Variants in MPHOSPH9 observed in about 807,000 individuals in gnomAD.
The protein encoded by MPHOSPH9 is M-phase phosphoprotein 9.
A neutral mutation model predicts 145.5 loss-of-function variants in MPHOSPH9; 88 were observed. That is an observed-to-expected ratio of 0.60 (90% confidence interval 0.51 to 0.72). The LOEUF is 0.72. Among genes scored for constraint, MPHOSPH9 ranks in the 30% least tolerant of loss-of-function variants. MPHOSPH9 has a pLI of 0.00. For synonymous variants in MPHOSPH9, 435 were observed against 486.2 expected (o/e 0.89, Z 1.39); for missense variants, 1,238 against 1,386.6 (o/e 0.89, Z 1.70).
At chr12:123,164,965 C>T (rs531050941) in intron 18 of MPHOSPH9, among the ~76,000 whole-genome samples, 4 of 142,992 alleles carry the variant, frequency 2.8e-5, no homozygotes, top group South Asian at 2.2e-4. Context: ...GCTGAGATTA[C>T]GCACTGCACT....
chr12:123,180,522 TG>T (rs1364340965), intron 14 of MPHOSPH9, among the ~76,000 whole-genome samples: 2 of 152,124 alleles, frequency 1.3e-5, no homozygotes, highest in African/African-American at 2.4e-5. Flanking sequence ...CAAACATAAT[TG>T]ATAAACTCAA....
chr12:123,227,405 A>G, intron 3 of MPHOSPH9, 58 bp downstream of exon 3: 1 of 1,236,188 alleles, frequency 8.1e-7, no homozygotes, highest in Non-Finnish European at 1.1e-6. Context: ...AGAGTTTAGT[A>G]GAGGTATGTT....
At chr12:123,238,043 ACAC>A (rs2047878525), upstream of MPHOSPH9, among the ~76,000 whole-genome samples, 2 of 152,048 alleles carry the variant, frequency 1.3e-5, no homozygotes, top group South Asian at 2.1e-4. Flanking sequence ...CTACAGGTGC[ACAC>A]CACCACATCT....
In MPHOSPH9 at chr12:123,194,492, C is replaced by T. The variant is rs149124520; in HGVS notation, c.2135G>A (p.Arg712Gln). 296 of 1,611,560 alleles carry T rather than the reference C, an allele frequency of 1.8e-4. 1 individual carries two copies. The highest frequency in any genetic ancestry group is 1.1e-3 in the Admixed American group (68 of 59,730). The change falls in exon 13 of 24, where the codon CGA (arginine) becomes CAA (glutamine). Residue 712 changes from arginine to glutamine, a missense_variant. Arg to Gln is a conservative substitution (Grantham distance 43, BLOSUM62 1). Around this residue, in one of 3 missense-constraint regions of MPHOSPH9, gnomAD observed 837 missense variants for 897.5 expected, o/e 0.93. Transcript: ENST00000606320. ...TAAATCTTGCAGTCTAGATTTTAGT[C>T]GAATGATGGTATTGTCTTTTTCTTT... Reference protein sequence around the residue: ...SSKEKDNTIIRLKSRLQDLEE... With the variant: ...SSKEKDNTIIQLKSRLQDLEE...
chr12:123,222,908 C>T (rs1190607089), intron 4 of MPHOSPH9, 130 bp downstream of exon 4: 2 of 552,706 alleles, frequency 3.6e-6, no homozygotes, highest in Admixed American at 3.8e-5. Flanking sequence ...TGCACTCCAA[C>T]CTGGGCAACA....
At chr12:123,230,577 A>C in intron 1 of MPHOSPH9, 55 bp from the exon 2 acceptor site, 1 of 399,168 alleles carries the variant, frequency 2.5e-6, no homozygotes, top group Admixed American at 4.4e-5. Flanking sequence ...AAAGCTAGCA[A>C]CTGTTTTTAC....
upstream of MPHOSPH9, chr12:123,233,468 C>G (rs1384621188): frequency 1.3e-5 from 2 of 152,296 alleles, no homozygotes; most frequent in Non-Finnish European, 2.9e-5. Context: ...GATTGCGAAT[C>G]CTCCGCTGAG....
chr12:123,209,409 G>GT lies in MPHOSPH9; in HGVS notation c.1194+646dup, dbSNP rs200046426. On this transcript the variant is annotated intron_variant, in intron 8 of 23. Transcript: ENST00000606320. Reference sequence around the variant, plus strand: ...CAATTGTAAAACACAAACACACACAGTTTTTTTTTTCTTTGAGATGGAGTT... The same window carrying GT: ...CAATTGTAAAACACAAACACACACAGTTTTTTTTTTTCTTTGAGATGGAGTT... Among the ~76,000 whole-genome samples the GT allele has an allele frequency of 9.4e-3, 1,416 of 149,876 alleles. 21 individuals are homozygous for GT. Among genetic ancestry groups the GT allele is most frequent in the African/African-American group, 0.032 (1,324 of 40,992 alleles).
At chr12:123,199,849 G>A (rs1424158072) in intron 11 of MPHOSPH9, among the ~76,000 whole-genome samples, 1 of 151,370 alleles carries the variant, frequency 6.6e-6, no homozygotes, top group Non-Finnish European at 1.5e-5. Flanking sequence ...TTACAGTTGA[G>A]AAAACAAAGA....
At chr12:123,213,480 C>T (rs1006160099) in intron 7 of MPHOSPH9, among the ~76,000 whole-genome samples, 5 of 152,074 alleles carry the variant, frequency 3.3e-5, no homozygotes, top group African/African-American at 1.2e-4. Context: ...GCTAGCACTA[C>T]AGGCGCATCA....
intron 7 of MPHOSPH9, among the ~76,000 whole-genome samples, chr12:123,212,808 G>A (rs1424085554): frequency 3.3e-5 from 4 of 119,618 alleles, no homozygotes; most frequent in Non-Finnish European, 5.0e-5. Context: ...GTGCAAAAGC[G>A]ATATGCAGTC....
chr12:123,154,852 G>A lies in MPHOSPH9; in HGVS notation c.*1955C>T, dbSNP rs929669293. ...TTTTTTCTAAAGGCTAGAAAACCAAGAATAAAGAATACCAAGAATAGGCCG... is the reference window on the plus strand; with the variant it reads ...TTTTTTCTAAAGGCTAGAAAACCAAAAATAAAGAATACCAAGAATAGGCCG... On this transcript the variant is annotated 3_prime_UTR_variant, in exon 24 of 24. Coordinates refer to ENST00000606320, the MANE Select transcript of MPHOSPH9 (RefSeq NM_022782.4). The A allele has an allele frequency of 7.3e-5, 11 of 151,576 alleles. No individual in the cohort carries two copies. Among genetic ancestry groups the A allele is most frequent in the African/African-American group, 2.7e-4 (11 of 41,258 alleles). The allele number at this position is 151,576 out of a possible 1,614,324, so 9.4% of individuals were successfully genotyped here.
intron 5 of MPHOSPH9, among the ~76,000 whole-genome samples, chr12:123,220,028 T>C (rs2047131816): frequency 6.6e-6 from 1 of 152,008 alleles, no homozygotes; most frequent in South Asian, 2.1e-4. Flanking sequence ...ACCCCGTCTC[T>C]ACTAAAAATA....
At chr12:123,192,777 T>C (rs745879518) in intron 13 of MPHOSPH9, among the ~76,000 whole-genome samples, 3 of 151,624 alleles carry the variant, frequency 2.0e-5, no homozygotes, top group Non-Finnish European at 4.4e-5. Flanking sequence ...CCATTGATTA[T>C]ATATCACACC....
intron 2 of MPHOSPH9, among the ~76,000 whole-genome samples, chr12:123,229,871 G>C (rs1375692006): frequency 3.5e-5 from 5 of 144,238 alleles, no homozygotes; most frequent in Admixed American, 7.5e-5. Context: ...GCCCAGGCTG[G>C]AGTGCAGTGG....
intron 8 of MPHOSPH9, among the ~76,000 whole-genome samples, chr12:123,208,418 A>T (rs1270594): frequency 0.8 from 119,928 of 150,488 alleles, 47,921 homozygotes; most frequent in East Asian, 1. Context: ...GTGCCTGTAG[A>T]CCCAGCTACT....
rs113730715 is a variant in MPHOSPH9 at position 123,203,125 on chromosome 12, G to A, written c.1321-41C>T. On this transcript the variant is annotated intron_variant, in intron 9 of 23. Transcript: ENST00000606320. ...CAACGAAGTCTTACCCTCAGAACTC[G>A]GCTTTGTTTTGCTTGTTTTGAAGTG... is the stretch of plus-strand genomic sequence containing the variant. The A allele has an allele frequency of 5.5e-3, 8,772 of 1,589,908 alleles. 142 individuals are homozygous for A. Among genetic ancestry groups the A allele is most frequent in the South Asian group, 0.042 (3,602 of 86,384 alleles).
At chr12:123,192,628 CAAAAAAAAAAAAAA>C (rs55831766) in intron 13 of MPHOSPH9, among the ~76,000 whole-genome samples, 1 of 49,382 alleles carries the variant, frequency 2.0e-5, no homozygotes, top group Non-Finnish European at 3.5e-5. Context: ...GACACCGTCT[CAAAAAAAAAAAAAA>C]AAAAAAAAAA....
At position 123,194,586 on chromosome 12, in the gene MPHOSPH9, G is replaced by A. The variant is rs766602983; in HGVS notation, c.2041C>T (p.Arg681Cys). The stretch of plus-strand genomic sequence containing the variant: ...GAAGCACTGCTGGCTGCACTGAAGC[G>A]TTCTCTCAAATCATTCTATAAAACA... The part of the protein sequence containing the change: ...LEIEVNDLRE[R>C]FSAASSASKI... The change falls in exon 13 of 24, where the codon CGC (arginine) becomes TGC (cysteine). Residue 681 changes from arginine to cysteine, a missense_variant. Arg to Cys is a radical substitution (Grantham distance 180). Transcript: ENST00000606320. 45 of 1,588,532 alleles carry A rather than the reference G, an allele frequency of 2.8e-5. No individual in the cohort carries two copies. Among genetic ancestry groups the A allele is most frequent in the Middle Eastern group, 3.9e-4 (2 of 5,108 alleles).
Sources: gnomAD v4.1 joint callset for allele counts (sites outside exome capture counted in the v4.1 genomes callset) on GRCh38, gnomAD v4.1.1 for gene constraint, gnomAD v4.1.1 regional missense constraint, MANE v1.5 for transcripts, NCBI Gene and HGNC (gene_info 2026-07-23, HGNC 2026-07-21) for gene names.